Variants in SORCS2 observed in about 807,000 individuals in gnomAD.
SORCS2 encodes VPS10 domain-containing receptor SorCS2.
In SORCS2, 100 loss-of-function variants were observed where a neutral mutation model predicts 141.6. That is an observed-to-expected ratio of 0.71 (90% CI 0.60 to 0.83). The LOEUF is 0.83. Ranked by LOEUF, SORCS2 falls within the 40% of genes least tolerant of loss-of-function variation. The probability of loss-of-function intolerance (pLI) is 0.00; values close to 1 mark genes in which losing one functional copy is unlikely to be tolerated. For synonymous variants in SORCS2, 789 were observed against 676.9 expected (o/e 1.17, Z -2.57); for missense variants, 1,646 against 1,560.2 (o/e 1.05, Z -0.93).
At chr4:7,466,339 T>C (rs972138052) in intron 2 of SORCS2, among the ~76,000 whole-genome samples, 1 of 149,870 alleles carries the variant, frequency 6.7e-6, no homozygotes, top group African/African-American at 2.5e-5. Flanking sequence ...CGGGGGAGGG[T>C]GTTATGGGCT....
chr4:7,640,847 G>A (rs1202457769), intron 4 of SORCS2, among the ~76,000 whole-genome samples: 1 of 152,128 alleles, frequency 6.6e-6, no homozygotes, highest in East Asian at 1.9e-4. Context: ...GTCAGGGAAC[G>A]AGAGGAATAG....
chr4:7,206,968 T>G (rs1014518458), intron 1 of SORCS2, among the ~76,000 whole-genome samples: 97 of 152,236 alleles, frequency 6.4e-4, no homozygotes, highest in African/African-American at 2.2e-3. Context: ...AACCTGGGCT[T>G]TCTGACGGAA....
Position 7,531,439 on chromosome 4 carries a change from C to T in SORCS2, c.549-91C>T, listed in dbSNP as rs145256215. 1,656 of 1,260,874 alleles carry T rather than the reference C, an allele frequency of 1.3e-3. 14 individuals are homozygous for T. In the African/African-American group the frequency reaches 0.018, roughly 14 times the overall value. The allele number at this position is 1,260,874 out of a possible 1,614,324, so 78.1% of individuals were successfully genotyped here. A position where few individuals can be genotyped will look rare whatever the true frequency, so the allele number is the denominator to read the frequency against. ...GGGTGTCTGGGGCACTCGGCCCGCACGGGCACAGGGCAGGGGCTGGACACC... is the reference window on the plus strand; with the variant it reads ...GGGTGTCTGGGGCACTCGGCCCGCATGGGCACAGGGCAGGGGCTGGACACC... On this transcript the variant is annotated intron_variant, in intron 2 of 26. Transcript: ENST00000507866.
chr4:7,443,535 C>G (rs2109266154), intron 2 of SORCS2, among the ~76,000 whole-genome samples: 1 of 152,336 alleles, frequency 6.6e-6, no homozygotes, highest in Admixed American at 6.5e-5. Flanking sequence ...TTGAGAGACG[C>G]TGAAACTTCC....
intron 1 of SORCS2, among the ~76,000 whole-genome samples, chr4:7,230,404 C>T (rs1256487539): frequency 6.3e-5 from 7 of 111,518 alleles, no homozygotes; most frequent in African/African-American, 2.2e-4. Context: ...GTCTCTGGGC[C>T]GGAGCAGTGT....
intron 1 of SORCS2, among the ~76,000 whole-genome samples, chr4:7,227,028 C>T (rs1355505220): frequency 6.6e-6 from 1 of 152,228 alleles, no homozygotes; most frequent in Non-Finnish European, 1.5e-5. Context: ...ATTTCATCCA[C>T]ACCAGCACAC....
intron 3 of SORCS2, among the ~76,000 whole-genome samples, chr4:7,623,641 G>A (rs372923853): frequency 1.1e-4 from 17 of 152,092 alleles, no homozygotes; most frequent in Admixed American, 5.9e-4. Context: ...ATCCCACGGC[G>A]TCCTCGTTCC....
intron 1 of SORCS2, among the ~76,000 whole-genome samples, chr4:7,387,633 A>ATG (rs1351433064): frequency 2.2e-5 from 3 of 138,234 alleles, no homozygotes; most frequent in African/African-American, 8.4e-5. Context: ...ATTTGCACAC[A>ATG]CGCACACACA....
At chr4:7,604,168 T>C (rs1047369231) in intron 3 of SORCS2, among the ~76,000 whole-genome samples, 1 of 152,108 alleles carries the variant, frequency 6.6e-6, no homozygotes, top group Non-Finnish European at 1.5e-5. Context: ...GGGACTGATA[T>C]GGTTTGGCTC....
At chr4:7,539,054 G>T (rs1479544896) in intron 3 of SORCS2, among the ~76,000 whole-genome samples, 6 of 152,158 alleles carry the variant, frequency 3.9e-5, no homozygotes, top group African/African-American at 1.4e-4. Context: ...GCCCAGAGAG[G>T]CCAAGTTGTT....
At chr4:7,345,435 G>A (rs572959604) in intron 1 of SORCS2, among the ~76,000 whole-genome samples, 2 of 152,278 alleles carry the variant, frequency 1.3e-5, no homozygotes, top group South Asian at 2.1e-4. Context: ...GTTTACAAAC[G>A]AGGTCATGGA....
At chr4:7,357,423 T>C (rs913399985) in intron 1 of SORCS2, among the ~76,000 whole-genome samples, 2 of 152,294 alleles carry the variant, frequency 1.3e-5, no homozygotes, top group African/African-American at 4.8e-5. Flanking sequence ...ACTGGGAACG[T>C]TGGCCTACAG....
At chr4:7,498,995 G>C (rs1731798491) in intron 2 of SORCS2, among the ~76,000 whole-genome samples, 1 of 152,306 alleles carries the variant, frequency 6.6e-6, no homozygotes, top group South Asian at 2.1e-4. Flanking sequence ...CTGGGGAAAG[G>C]GGGGCAGGGG....
chr4:7,226,025 G>T (rs1204410599), intron 1 of SORCS2, among the ~76,000 whole-genome samples: 1 of 152,166 alleles, frequency 6.6e-6, no homozygotes, highest in Non-Finnish European at 1.5e-5. Context: ...AGCACTTGGG[G>T]CTGTGTTTGA....
intron 1 of SORCS2, among the ~76,000 whole-genome samples, chr4:7,243,006 C>T (rs1330246553): frequency 6.6e-6 from 1 of 152,166 alleles, no homozygotes; most frequent in Non-Finnish European, 1.5e-5. Context: ...ACGGTCAGCC[C>T]TGGTCCTCCT....
At chr4:7,624,679 C>T (rs762026567) in intron 3 of SORCS2, among the ~76,000 whole-genome samples, 1 of 152,238 alleles carries the variant, frequency 6.6e-6, no homozygotes, top group African/African-American at 2.4e-5. Flanking sequence ...AAATTGTTCA[C>T]ACGTCCAACC....
intron 1 of SORCS2, among the ~76,000 whole-genome samples, chr4:7,361,918 G>A (rs557355198): frequency 1.3e-5 from 2 of 151,026 alleles, no homozygotes; most frequent in South Asian, 4.2e-4. Flanking sequence ...AGGACGCGGG[G>A]AGGGCGGTGG....
At chr4:7,214,708 C>T (rs967381995) in intron 1 of SORCS2, among the ~76,000 whole-genome samples, 1 of 152,212 alleles carries the variant, frequency 6.6e-6, no homozygotes, top group Non-Finnish European at 1.5e-5. Flanking sequence ...CTTGTAGAGA[C>T]AGCACATTCC....
intron 10 of SORCS2, among the ~76,000 whole-genome samples, chr4:7,684,045 C>T (rs1723727255): frequency 6.6e-6 from 1 of 152,144 alleles, no homozygotes; most frequent in South Asian, 2.1e-4. Context: ...CCAGGCTTCT[C>T]ACTCCCCTTC....
Sources: allele counts gnomAD v4.1 joint callset (sites outside exome capture counted in the v4.1 genomes callset), GRCh38; gene constraint gnomAD v4.1.1; transcripts MANE v1.5; gene names NCBI Gene and HGNC (gene_info 2026-07-23, HGNC 2026-07-21).